The following RSRC1 variants were observed in gnomAD, a reference collection of about 807,000 sequenced individuals.
RSRC1 encodes serine/Arginine-related protein 53.
A neutral mutation model predicts 49.1 loss-of-function variants in RSRC1; 39 were observed. The ratio of observed to expected loss-of-function variants is 0.79; its 90% CI spans 0.61 to 1.04. RSRC1 has a LOEUF of 1.04. Ranked by LOEUF, RSRC1 falls within the 50% of genes least tolerant of loss-of-function variation. The pLI is 0.00. For synonymous variants in RSRC1, 143 were observed against 130.8 expected (o/e 1.09, Z -0.63); for missense variants, 388 against 402.4 (o/e 0.96, Z 0.31).
At chr3:158,330,344 G>T (rs1307763809) in intron 5 of RSRC1, among the ~76,000 whole-genome samples, 2 of 152,170 alleles carry the variant, frequency 1.3e-5, no homozygotes, top group Admixed American at 6.5e-5. Flanking sequence ...GACTGGAGCT[G>T]TTCCTATTCA....
intron 4 of RSRC1, chr3:158,225,843 G>A: frequency 3.4e-6 from 1 of 298,120 alleles, no homozygotes; most frequent in Non-Finnish European, 6.6e-6. Flanking sequence ...AGTCCAACCT[G>A]GAAGGTGGAA....
chr3:158,331,773 C>G (rs1729560430), intron 5 of RSRC1, among the ~76,000 whole-genome samples: 1 of 149,768 alleles, frequency 6.7e-6, no homozygotes, highest in Admixed American at 6.6e-5. Flanking sequence ...AAAATATATG[C>G]AAAAAACCTG....
intron 7 of RSRC1, among the ~76,000 whole-genome samples, chr3:158,502,938 G>T (rs754551458): frequency 1.3e-5 from 2 of 152,128 alleles, no homozygotes; most frequent in Non-Finnish European, 2.9e-5. Flanking sequence ...GGTTGTCAAA[G>T]AGCCTTGTTT....
intron 7 of RSRC1, among the ~76,000 whole-genome samples, chr3:158,495,510 T>C (rs527610125): frequency 2.0e-4 from 30 of 152,302 alleles, no homozygotes; most frequent in African/African-American, 6.5e-4. Flanking sequence ...GGTCTCGAAC[T>C]CCTGACCTCA....
chr3:158,262,907 T>C (rs1006994928), intron 4 of RSRC1, among the ~76,000 whole-genome samples: 2 of 152,158 alleles, frequency 1.3e-5, no homozygotes, highest in Non-Finnish European at 2.9e-5. Flanking sequence ...TCCTGCAGTC[T>C]CATTAAATTC....
chr3:158,531,578 G>C (rs1401363952), intron 7 of RSRC1, among the ~76,000 whole-genome samples: 1 of 151,730 alleles, frequency 6.6e-6, no homozygotes, highest in East Asian at 1.9e-4. Flanking sequence ...TATGTAACAT[G>C]GTCCTGTAGC....
At chr3:158,416,765 A>T (rs1734756274) in intron 6 of RSRC1, among the ~76,000 whole-genome samples, 1 of 152,116 alleles carries the variant, frequency 6.6e-6, no homozygotes, top group Non-Finnish European at 1.5e-5. Flanking sequence ...AAGCAAAGAT[A>T]ACCGATAATG....
intron 4 of RSRC1, among the ~76,000 whole-genome samples, chr3:158,294,361 G>T (rs1727111762): frequency 6.6e-6 from 1 of 151,698 alleles, no homozygotes; most frequent in South Asian, 2.1e-4. Flanking sequence ...TCATATATTG[G>T]TTCTTTTTCA....
rs58689210 is a variant in RSRC1, at chr3:158,487,949, GAAA to G, written c.652+26969_652+26971del. 3.0e-3 allele frequency among the ~76,000 whole-genome samples: 87 copies of G among 28,922 alleles called. 5 individuals carry two copies. The highest frequency in any genetic ancestry group is 7.6e-3 in the African/African-American group (57 of 7,486). The allele number at this position is 28,922 out of a possible 152,430, so 19.0% of individuals were successfully genotyped here. ...TAGGAGACAAGAGACTCCATCTCAA[GAAA>G]AAAAAAAAAAAAAAAAAAAAAACTG... On this transcript the variant is annotated intron_variant, in intron 7 of 9. Transcript: ENST00000611884.
chr3:158,143,850 A>G (rs1296086726), intron 3 of RSRC1, among the ~76,000 whole-genome samples: 1 of 152,214 alleles, frequency 6.6e-6, no homozygotes, highest in Non-Finnish European at 1.5e-5. Flanking sequence ...TGGCAATGCC[A>G]AAGGCTCTAG....
At chr3:158,276,015 A>T in intron 4 of RSRC1, 1 of 823,658 alleles carries the variant, frequency 1.2e-6, no homozygotes, top group Middle Eastern at 3.6e-4. Context: ...TATGGAATGG[A>T]TTAATGAGGA....
intron 3 of RSRC1, among the ~76,000 whole-genome samples, chr3:158,134,614 C>T (rs920631180): frequency 2.6e-5 from 4 of 151,722 alleles, no homozygotes; most frequent in Admixed American, 1.3e-4. Flanking sequence ...TATTCTTTTG[C>T]GGAATTATCA....
At chr3:158,120,745 C>G (rs1290113171) in intron 1 of RSRC1, among the ~76,000 whole-genome samples, 1 of 148,366 alleles carries the variant, frequency 6.7e-6, no homozygotes, top group Non-Finnish European at 1.5e-5. Flanking sequence ...ATTACTTTTG[C>G]ACCAACATAA....
chr3:158,484,321 T>C (rs1452676695), intron 7 of RSRC1, among the ~76,000 whole-genome samples: 4 of 152,114 alleles, frequency 2.6e-5, no homozygotes, highest in African/African-American at 9.7e-5. Flanking sequence ...TTGGAAAACA[T>C]CATTTTGAAT....
chr3:158,397,600 C>G (rs966774048), intron 6 of RSRC1, among the ~76,000 whole-genome samples: 2 of 152,008 alleles, frequency 1.3e-5, no homozygotes, highest in African/African-American at 4.8e-5. Flanking sequence ...ACAGCATTGT[C>G]TGTTAGTGTA....
chr3:158,299,924 C>T (rs1559982798), intron 5 of RSRC1, among the ~76,000 whole-genome samples: 1 of 152,172 alleles, frequency 6.6e-6, no homozygotes. Context: ...AAAATAGTTC[C>T]ACTTTTACTT....
chr3:158,244,570 G>T (rs771919800), intron 4 of RSRC1, among the ~76,000 whole-genome samples: 13 of 152,152 alleles, frequency 8.5e-5, no homozygotes, highest in Non-Finnish European at 1.9e-4. Flanking sequence ...AAGGATATTG[G>T]CCTGAAGTTT....
intron 6 of RSRC1, among the ~76,000 whole-genome samples, chr3:158,382,661 G>A (rs1220531074): frequency 1.3e-5 from 2 of 152,126 alleles, no homozygotes; most frequent in Non-Finnish European, 1.5e-5. Flanking sequence ...AATACCCGGC[G>A]TGGTCTGAGA....
In RSRC1 at chr3:158,543,222, G is replaced by T. The variant is rs923931697; in HGVS notation, c.760-113G>T. 2.4e-5 allele frequency: 19 copies of T among 785,084 alleles called. No individual in the cohort carries two copies. In the African/African-American group the frequency reaches 3.4e-4, roughly 14 times the overall value. The allele number at this position is 785,084 out of a possible 1,614,324, so 48.6% of individuals were successfully genotyped here. ...AAAAGTAGGGCCTTTTTGGAGATGG[G>T]TATCATCTCAAAGGAGACTAATTGA... is the stretch of plus-strand genomic sequence containing the variant. On this transcript the variant is annotated intron_variant, in intron 8 of 9. Transcript: ENST00000611884.
Sources: allele counts gnomAD v4.1 joint callset (sites outside exome capture counted in the v4.1 genomes callset), GRCh38; gene constraint gnomAD v4.1.1; transcripts MANE v1.5; gene names NCBI Gene and HGNC (gene_info 2026-07-23, HGNC 2026-07-21).